Variants in ZBTB11 observed in about 807,000 individuals in gnomAD.
ZBTB11 encodes zinc finger and BTB domain-containing protein 11.
Under a neutral mutation model 113.1 loss-of-function variants are expected in ZBTB11, and 68 were observed. The observed-to-expected ratio is 0.60, with a 90% CI of 0.49 to 0.74. ZBTB11 has a LOEUF of 0.74. Among genes scored for constraint, ZBTB11 ranks in the 30% least tolerant of loss-of-function variants. The pLI is 0.00. For synonymous variants in ZBTB11, 518 were observed against 452.6 expected (o/e 1.14, Z -1.83); for missense variants, 1,104 against 1,279.4 (o/e 0.86, Z 2.09).
In ZBTB11 at chr3:101,672,028, C is replaced by T. The variant is rs1327512051; in HGVS notation, c.496G>A (p.Ala166Thr). Residue 166 changes from alanine (A) to threonine (T), a missense_variant, in exon 2 of 11, where the codon GCA becomes ACA. Physicochemically the swap from Ala to Thr is moderately conservative, Grantham distance 58. Transcript: ENST00000312938. Reference sequence around the variant, plus strand: ...GGCTTCTTTTTTGCAGGCTTGGATGCTGTAGTTGGAGATGAAGTAAAGTTG... The same window carrying T: ...GGCTTCTTTTTTGCAGGCTTGGATGTTGTAGTTGGAGATGAAGTAAAGTTG... ...LSNFTSSPTT[A>T]SKPAKKKPVS... 5 of 1,614,016 alleles carry T rather than the reference C, an allele frequency of 3.1e-6. No homozygotes were observed. The Admixed American group carries it at 6.7e-5, about 22-fold the overall frequency.
At chr3:101,658,893 A>G (rs940501628) in intron 6 of ZBTB11, among the ~76,000 whole-genome samples, 2 of 152,198 alleles carry the variant, frequency 1.3e-5, no homozygotes, top group African/African-American at 4.8e-5. Flanking sequence ...AAAACTATTA[A>G]AATACAGAAA....
intron 7 of ZBTB11, among the ~76,000 whole-genome samples, chr3:101,655,106 G>A (rs1469815550): frequency 1.3e-5 from 2 of 152,106 alleles, no homozygotes; most frequent in African/African-American, 2.4e-5. Context: ...TCGATGTCAT[G>A]ACCTTGTGAT....
chr3:101,652,186 C>A (rs567737667), intron 10 of ZBTB11, among the ~76,000 whole-genome samples: 1 of 151,994 alleles, frequency 6.6e-6, no homozygotes, highest in African/African-American at 2.4e-5. Context: ...GATCTTCCTG[C>A]GGACAGATGT....
In ZBTB11 at chr3:101,651,625, T is replaced by G. The variant is rs1481523350; in HGVS notation, c.2703A>C (p.Leu901=). The change falls in exon 11 of 11, where the codon CTA becomes CTC. Residue 901 remains leucine (L), a synonymous_variant. Coordinates refer to ENST00000312938, the MANE Select transcript of ZBTB11 (RefSeq NM_014415.4). The part of the protein sequence containing the change: ...CGVAWADARS[L]KRHVRTHTGE... Reference sequence around the variant, plus strand: ...CAGTATGTGTTCTGACATGGCGTTTTAGAGATCGGGCATCAGCCCAAGCTA... The same window carrying G: ...CAGTATGTGTTCTGACATGGCGTTTGAGAGATCGGGCATCAGCCCAAGCTA... 2 of 1,610,090 alleles carry G rather than the reference T, an allele frequency of 1.2e-6. No individual in the cohort carries two copies. The highest frequency in any genetic ancestry group is 2.2e-5 in the East Asian group (1 of 44,826).
intron 3 of ZBTB11, among the ~76,000 whole-genome samples, chr3:101,668,686 A>C (rs1282642704): frequency 1.3e-5 from 2 of 151,862 alleles, no homozygotes; most frequent in Admixed American, 6.6e-5. Context: ...TGAATGTTTG[A>C]GGTGATAGGT....
In ZBTB11 at chr3:101,664,573, G is replaced by A; in HGVS notation, c.1765C>T (p.Leu589=). ...QRRYALIMHK[L]KHERARDYKC... ...TAATCTCTAGCTCTTTCATGTTTCA[G>A]TTTGTGCATTATAAGGGCGTATCGT... Residue 589 remains leucine (L), a synonymous_variant, in exon 5 of 11, where the codon CTG becomes TTG. Transcript: ENST00000312938. 2 of 1,608,688 alleles carry A rather than the reference G, an allele frequency of 1.2e-6. No individual in the cohort carries two copies. Among genetic ancestry groups the A allele is most frequent in the Non-Finnish European group, 1.7e-6 (2 of 1,178,718 alleles).
At chr3:101,653,827 T>C (rs1936747022) in intron 8 of ZBTB11, among the ~76,000 whole-genome samples, 1 of 152,136 alleles carries the variant, frequency 6.6e-6, no homozygotes, top group African/African-American at 2.4e-5. Context: ...CGAATCCCTG[T>C]AAGAGAGCTT....
chr3:101,652,368 C>T, intron 10 of ZBTB11, 128 bp downstream of exon 10: 2 of 915,490 alleles, frequency 2.2e-6, no homozygotes, highest in South Asian at 2.0e-5. Flanking sequence ...TCAGGATCAC[C>T]TCTGTCATTT....
In ZBTB11 at chr3:101,665,313, G is replaced by C; in HGVS notation, c.1274C>G (p.Thr425Ser). Residue 425 changes from threonine to serine, a missense_variant, in exon 4 of 11, where the codon ACT (threonine) becomes AGT (serine). Around this residue, in one of 5 missense-constraint regions of ZBTB11, gnomAD observed 535 missense variants for 518.6 expected, o/e 1.03. Coordinates refer to ENST00000312938, the MANE Select transcript of ZBTB11 (RefSeq NM_014415.4). Reference protein sequence around the residue: ...ITKNNQTELETSNNRENNTVS... With the variant: ...ITKNNQTELESSNNRENNTVS... The stretch of plus-strand genomic sequence containing the variant: ...TGTGTTATTTTCTCTGTTGTTTGAA[G>C]TTTCTAGTTCTGTCTGGTTGTTTTT... 1 of 1,614,166 alleles carries C rather than the reference G, an allele frequency of 6.2e-7. No individual in the cohort carries two copies. The highest frequency in any genetic ancestry group is 8.5e-7 in the Non-Finnish European group (1 of 1,180,030).
At chr3:101,669,065 C>T (rs1937042373) in intron 3 of ZBTB11, among the ~76,000 whole-genome samples, 1 of 152,048 alleles carries the variant, frequency 6.6e-6, no homozygotes, top group Admixed American at 6.6e-5. Flanking sequence ...CAGGGTCTTG[C>T]TCTGTTGCCC....
Position 101,651,574 on chromosome 3 carries a change from T to A in ZBTB11, c.2754A>T (p.Val918=). The A allele has an allele frequency of 6.2e-7, 1 of 1,613,806 alleles. No individual in the cohort carries two copies. Among genetic ancestry groups the A allele is most frequent in the African/African-American group, 1.3e-5 (1 of 74,908 alleles). The change falls in exon 11 of 11, where the codon GTA becomes GTT. Residue 918 remains valine, a synonymous_variant. Transcript: ENST00000312938. The part of the protein sequence containing the change: ...HTGERPYVCP[V]CSEAYIDART... The stretch of plus-strand genomic sequence containing the variant: ...GAGCATCTATGTAGGCTTCGCTACA[T>A]ACAGGACAGACATAGGGCCGTTCAC...
chr3:101,669,750 C>CA (rs1338383599), intron 3 of ZBTB11, among the ~76,000 whole-genome samples: 2 of 151,792 alleles, frequency 1.3e-5, no homozygotes, highest in African/African-American at 4.8e-5. Flanking sequence ...CTCATATGTA[C>CA]ACCCCCTGAG....
chr3:101,672,870 C>T (rs750431402), intron 1 of ZBTB11, among the ~76,000 whole-genome samples: 22 of 152,202 alleles, frequency 1.4e-4, no homozygotes, highest in Non-Finnish European at 2.5e-4. Flanking sequence ...TATTTTGCAC[C>T]AGTTCTCTGA....
intron 5 of ZBTB11, among the ~76,000 whole-genome samples, chr3:101,664,141 T>C (rs916464128): frequency 2.0e-5 from 3 of 152,182 alleles, no homozygotes; most frequent in African/African-American, 7.2e-5. Flanking sequence ...CTGAGACATT[T>C]TGGTGGTTCT....
chr3:101,671,136 G>A lies in ZBTB11; in HGVS notation c.772C>T (p.Leu258Phe), dbSNP rs766185003. ...AVSSHEAVVDLSGFCKASFLP... is the reference protein window; with the variant it reads ...AVSSHEAVVDFSGFCKASFLP... ...AGTAATACAAAACCCTTACCAGAAA[G>A]ATCCACCACAGCCTCATGACTGGAA... The change falls in exon 3 of 11, where the codon CTT becomes TTT. Residue 258 changes from leucine (L) to phenylalanine (F), a missense_variant. Coordinates refer to ENST00000312938, the MANE Select transcript of ZBTB11 (RefSeq NM_014415.4). 2.5e-6 allele frequency: 4 copies of A among 1,613,134 alleles called. No homozygotes were observed. Among genetic ancestry groups the A allele is most frequent in the Non-Finnish European group, 3.4e-6 (4 of 1,179,398 alleles).
chr3:101,664,195 C>T (rs1036423355), intron 5 of ZBTB11, among the ~76,000 whole-genome samples: 3 of 152,198 alleles, frequency 2.0e-5, no homozygotes, highest in Non-Finnish European at 4.4e-5. Context: ...CACTGAAAAC[C>T]TGGAAGTGAA....
At chr3:101,657,279 T>G (rs1369091140) in intron 6 of ZBTB11, among the ~76,000 whole-genome samples, 1 of 149,886 alleles carries the variant, frequency 6.7e-6, no homozygotes, top group East Asian at 2.0e-4. Context: ...GCTGAGGTGG[T>G]TGGATTGTCT....
intron 1 of ZBTB11, among the ~76,000 whole-genome samples, chr3:101,675,186 T>C (rs1937143378): frequency 6.6e-6 from 1 of 152,276 alleles, no homozygotes; most frequent in Admixed American, 6.5e-5. Context: ...TTATCATCTT[T>C]AACAAATCCT....
rs1491470554 is a variant in ZBTB11, at chr3:101,674,032, CTG to C, written c.311-1821_311-1820del. On this transcript the variant is annotated intron_variant, in intron 1 of 10. Transcript: ENST00000312938. Reference sequence around the variant, plus strand: ...TGTCAAATTTATGGATTCACAGAGACTGTTTTTTTTTTTTTTTGCAGAACATA... The same window carrying C: ...TGTCAAATTTATGGATTCACAGAGACTTTTTTTTTTTTTTTGCAGAACATA... Among the ~76,000 whole-genome samples, 8 of 102,744 alleles carry C rather than the reference CTG, an allele frequency of 7.8e-5. No homozygotes were observed. In the South Asian group the frequency reaches 2.1e-3, roughly 27 times the overall value. 67.4% of individuals were successfully genotyped at this position (102,744 alleles called of 152,430 possible).
Sources: gnomAD v4.1 joint callset for allele counts (sites outside exome capture counted in the v4.1 genomes callset) on GRCh38, gnomAD v4.1.1 for gene constraint, gnomAD v4.1.1 regional missense constraint, MANE v1.5 for transcripts, NCBI Gene and HGNC (gene_info 2026-07-23, HGNC 2026-07-21) for gene names.